PAM: variants seen among roughly 807,000 people sequenced by gnomAD.
The protein encoded by PAM is peptidylglycine alpha-amidating monooxygenase, also known as peptidyl-glycine alpha-amidating monooxygenase.
PAM carries 72 observed loss-of-function variants against 122.1 expected under a neutral mutation model. The ratio of observed to expected loss-of-function variants is 0.59; its 90% CI spans 0.49 to 0.72. The LOEUF is 0.72. PAM is among the 30% of genes least tolerant of loss of function. The probability of loss-of-function intolerance (pLI) is 0.00; values close to 1 mark genes in which losing one functional copy is unlikely to be tolerated. For synonymous variants in PAM, 389 were observed against 404.4 expected (o/e 0.96, Z 0.46); for missense variants, 1,106 against 1,183.7 (o/e 0.93, Z 0.96).
intron 3 of PAM, 49 bp downstream of exon 3, chr5:102,867,442 ATAATT>A: frequency 6.9e-7 from 1 of 1,446,970 alleles, no homozygotes; most frequent in South Asian, 1.2e-5. Context: ...GATACAATCT[ATAATT>A]AAAGTAAGGA....
chr5:102,817,602 C>T (rs192787095), intron 1 of PAM, among the ~76,000 whole-genome samples: 2 of 152,180 alleles, frequency 1.3e-5, no homozygotes, highest in African/African-American at 4.8e-5. Flanking sequence ...GTATGGTTCA[C>T]ATTATATTTT....
intron 12 of PAM, among the ~76,000 whole-genome samples, chr5:102,954,862 A>G (rs1272808698): frequency 6.6e-6 from 1 of 152,106 alleles, no homozygotes; most frequent in African/African-American, 2.4e-5. Flanking sequence ...TGTTGGTCAT[A>G]CCTTTCATTT....
chr5:102,977,074 A>G (rs1426400478), intron 15 of PAM, among the ~76,000 whole-genome samples: 3 of 152,186 alleles, frequency 2.0e-5, no homozygotes, highest in South Asian at 2.1e-4. Context: ...CAGTTGGTCT[A>G]TATGTTGGAA....
chr5:103,028,984 C>T lies in PAM; in HGVS notation c.2841C>T (p.Asp947=). The stretch of plus-strand genomic sequence containing the variant: ...ACCGGCTTAGCACTGAGGGCAGTGA[C>T]CAAGAGAAAGAGGATGATGGAAGTG... ...GFDRLSTEGS[D]QEKEDDGSES... The change falls in exon 26 of 26, where the codon GAC becomes GAT. Residue 947 remains aspartate (D), a synonymous_variant. Coordinates refer to ENST00000438793, the MANE Select transcript of PAM (RefSeq NM_001177306.2). 7 of 1,613,708 alleles carry T rather than the reference C, an allele frequency of 4.3e-6. No individual in the cohort carries two copies. The highest frequency in any genetic ancestry group is 5.1e-6 in the Non-Finnish European group (6 of 1,179,726).
chr5:102,837,018 C>T (rs1195311604), intron 1 of PAM, among the ~76,000 whole-genome samples: 3 of 152,010 alleles, frequency 2.0e-5, no homozygotes, highest in Non-Finnish European at 4.4e-5. Context: ...TTACAGTAGC[C>T]CACAGATTCC....
chr5:102,798,545 A>T (rs1763925485), intron 1 of PAM, among the ~76,000 whole-genome samples: 1 of 152,174 alleles, frequency 6.6e-6, no homozygotes, highest in African/African-American at 2.4e-5. Context: ...TGTGATTCTC[A>T]TTTGTGGCTA....
chr5:102,771,785 T>G (rs1755846421), intron 1 of PAM, among the ~76,000 whole-genome samples: 1 of 152,144 alleles, frequency 6.6e-6, no homozygotes. Context: ...AAAATAATGT[T>G]TTGTAATGGT....
intron 1 of PAM, among the ~76,000 whole-genome samples, chr5:102,846,558 G>T (rs757070720): frequency 1.2e-4 from 18 of 152,116 alleles, no homozygotes; most frequent in Non-Finnish European, 5.9e-5. Context: ...TCTCAGTCAG[G>T]CTGTTAGGTT....
At chr5:102,954,935 A>AT (rs1292071460) in intron 12 of PAM, among the ~76,000 whole-genome samples, 2 of 152,134 alleles carry the variant, frequency 1.3e-5, no homozygotes, top group Non-Finnish European at 2.9e-5. Context: ...TTTAATCTGC[A>AT]TTTTTAAATA....
At chr5:102,872,987 A>G (rs1273896947) in intron 3 of PAM, among the ~76,000 whole-genome samples, 1 of 152,104 alleles carries the variant, frequency 6.6e-6, no homozygotes, top group Admixed American at 6.6e-5. Flanking sequence ...TACCTGGGTG[A>G]GGGAATAATC....
chr5:102,846,542 T>C lies in PAM; in HGVS notation c.-373-19281T>C, dbSNP rs1780002243. Among the ~76,000 whole-genome samples, 2 of 138,800 alleles carry C rather than the reference T, an allele frequency of 1.4e-5. 1 individual carries two copies. The highest frequency in any genetic ancestry group is 4.8e-4 in the South Asian group (2 of 4,180). The allele number at this position is 138,800 out of a possible 152,430, so 91.1% of individuals were successfully genotyped here. A position where few individuals can be genotyped will look rare whatever the true frequency, so the allele number is the denominator to read the frequency against. ...TCAGATACAGCTTCCTCCTGGAAGC[T>C]GCCTGTCTCAGTCAGGCTGTTAGGT... On this transcript the variant is annotated intron_variant, in intron 1 of 25. Coordinates refer to ENST00000438793, the MANE Select transcript of PAM (RefSeq NM_001177306.2).
chr5:102,818,041 A>T (rs867883756), intron 1 of PAM, among the ~76,000 whole-genome samples: 1 of 150,606 alleles, frequency 6.6e-6, no homozygotes, highest in Non-Finnish European at 1.5e-5. Context: ...AAAAAAAAAA[A>T]AAAAAAGACC....
chr5:102,958,344 A>G (rs561585714), intron 12 of PAM, among the ~76,000 whole-genome samples: 1 of 152,314 alleles, frequency 6.6e-6, no homozygotes, highest in African/African-American at 2.4e-5. Flanking sequence ...AGCCACATCT[A>G]AAATTCCTTT....
At chr5:102,993,975 A>G (rs548436150) in intron 16 of PAM, among the ~76,000 whole-genome samples, 1 of 152,274 alleles carries the variant, frequency 6.6e-6, no homozygotes, top group African/African-American at 2.4e-5. Flanking sequence ...TGCTCATGAA[A>G]TGTGGGAGTA....
At chr5:102,828,575 A>G (rs941468335) in intron 1 of PAM, among the ~76,000 whole-genome samples, 5 of 152,058 alleles carry the variant, frequency 3.3e-5, no homozygotes, top group African/African-American at 1.2e-4. Flanking sequence ...TTGCTTCTCT[A>G]ATCTATAAAA....
chr5:102,949,500 G>T (rs751867206), intron 9 of PAM, 37 bp from the exon 10 acceptor site: 199 of 980,614 alleles, frequency 2.0e-4, no homozygotes, highest in Non-Finnish European at 3.2e-4. Flanking sequence ...TTTTCCAGTT[G>T]AATAGTGACT....
intron 1 of PAM, among the ~76,000 whole-genome samples, chr5:102,764,682 T>C (rs932161812): frequency 2.0e-5 from 3 of 152,164 alleles, no homozygotes; most frequent in Non-Finnish European, 4.4e-5. Flanking sequence ...TTTTTCAAAG[T>C]CCCTTACTAT....
chr5:102,982,823 A>G (rs1428203091), intron 15 of PAM, among the ~76,000 whole-genome samples: 1 of 152,208 alleles, frequency 6.6e-6, no homozygotes, highest in Non-Finnish European at 1.5e-5. Context: ...TGAAAAGGAA[A>G]CATACCTCTA....
At chr5:102,912,744 C>A (rs1801787359) in intron 4 of PAM, among the ~76,000 whole-genome samples, 1 of 151,876 alleles carries the variant, frequency 6.6e-6, no homozygotes, top group South Asian at 2.1e-4. Context: ...ATAGCAAGTC[C>A]ATTTTCTGGC....
Sources: gnomAD v4.1 joint callset for allele counts (sites outside exome capture counted in the v4.1 genomes callset) on GRCh38, gnomAD v4.1.1 for gene constraint, MANE v1.5 for transcripts, NCBI Gene and HGNC (gene_info 2026-07-23, HGNC 2026-07-21) for gene names.